FHOD3: variants seen among roughly 807,000 people sequenced by gnomAD.
FHOD3 encodes the protein formin homology 2 domain containing 3.
FHOD3 carries 90 observed loss-of-function variants against 173.0 expected under a neutral mutation model. That is an observed-to-expected ratio of 0.52 (90% confidence interval 0.44 to 0.62). The LOEUF (loss-of-function observed/expected upper bound fraction) is 0.62. Ranked by LOEUF, FHOD3 falls within the 20% of genes least tolerant of loss-of-function variation. The pLI, the probability that FHOD3 is intolerant of heterozygous loss-of-function variation, is 0.00. For synonymous variants in FHOD3, 828 were observed against 823.0 expected, an observed-to-expected ratio of 1.01 and a Z score of -0.10; for missense variants, 1,945 against 2,034.7, an observed-to-expected ratio of 0.96 and a Z score of 0.85.
intron 22 of FHOD3, among the ~76,000 whole-genome samples, chr18:36,743,197 T>A (rs991444374): frequency 3.3e-5 from 5 of 150,118 alleles, no homozygotes; most frequent in African/African-American, 1.2e-4. Flanking sequence ...TAGTTCCAGC[T>A]ACTCGGAATG....
intron 5 of FHOD3, among the ~76,000 whole-genome samples, chr18:36,548,095 G>T (rs1029482160): frequency 6.6e-6 from 1 of 152,152 alleles, no homozygotes; most frequent in African/African-American, 2.4e-5. Context: ...GGGAGGCTGA[G>T]GCAGGAGAAT....
At chr18:36,521,631 C>T (rs1257122903) in intron 5 of FHOD3, among the ~76,000 whole-genome samples, 1 of 152,184 alleles carries the variant, frequency 6.6e-6, no homozygotes, top group Non-Finnish European at 1.5e-5. Context: ...TCCTTCCTAA[C>T]CTGCTCTACC....
chr18:36,586,429 AAT>A (rs1482333047), intron 6 of FHOD3, among the ~76,000 whole-genome samples: 2 of 152,214 alleles, frequency 1.3e-5, no homozygotes, highest in Non-Finnish European at 2.9e-5. Context: ...TCCTTCGGGC[AAT>A]ATCTTAGTGC....
At chr18:36,494,998 A>G (rs1055896191) in intron 3 of FHOD3, among the ~76,000 whole-genome samples, 1 of 152,144 alleles carries the variant, frequency 6.6e-6, no homozygotes, top group Admixed American at 6.5e-5. Flanking sequence ...GCTGGAGTAC[A>G]GTGGCATGAT....
intron 10 of FHOD3, 143 bp downstream of exon 10, chr18:36,625,892 AC>A: frequency 1.6e-6 from 1 of 643,326 alleles, no homozygotes; most frequent in Non-Finnish European, 2.4e-6. Context: ...CCATTAAACC[AC>A]CAGCCAAACA....
At chr18:36,468,660 G>C (rs1395820680) in intron 3 of FHOD3, among the ~76,000 whole-genome samples, 1 of 152,160 alleles carries the variant, frequency 6.6e-6, no homozygotes, top group African/African-American at 2.4e-5. Flanking sequence ...TTTAGAGGGG[G>C]AGGAATTTGT....
chr18:36,334,933 G>C (rs1412762674), intron 1 of FHOD3, among the ~76,000 whole-genome samples: 1 of 152,186 alleles, frequency 6.6e-6, no homozygotes, highest in Non-Finnish European at 1.5e-5. Flanking sequence ...GTGTTCTGAA[G>C]TGCTCCAGGG....
At chr18:36,554,078 G>A (rs752515870) in intron 5 of FHOD3, among the ~76,000 whole-genome samples, 2 of 152,162 alleles carry the variant, frequency 1.3e-5, no homozygotes, top group Non-Finnish European at 1.5e-5. Context: ...AGTCAGTGTG[G>A]CAATTCCTCA....
intron 5 of FHOD3, among the ~76,000 whole-genome samples, chr18:36,513,654 C>G (rs1364624453): frequency 1.3e-5 from 2 of 152,038 alleles, no homozygotes; most frequent in African/African-American, 2.4e-5. Context: ...TGTTTTGCCC[C>G]GAGAATGCTT....
intron 5 of FHOD3, among the ~76,000 whole-genome samples, chr18:36,529,646 C>G (rs1599530696): frequency 6.6e-6 from 1 of 151,878 alleles, no homozygotes; most frequent in South Asian, 2.1e-4. Context: ...TGGTGAAACC[C>G]TGTCTCTACT....
rs560858766 is a variant in FHOD3, at chr18:36,620,199, C to G, written c.958-5312C>G. On this transcript the variant is annotated intron_variant, in intron 9 of 28. Transcript: ENST00000590592. ...CCTTCGTGCCTCTGTGGCCTCATCT[C>G]CACCATTCCCAAGATGTGTCTGAAG... Among the ~76,000 whole-genome samples the G allele has an allele frequency of 5.3e-5, 8 of 152,304 alleles. No homozygotes were observed. The South Asian group carries it at 1.2e-3, about 24-fold the overall frequency.
intron 2 of FHOD3, among the ~76,000 whole-genome samples, chr18:36,369,793 T>A (rs148666609): frequency 7.2e-5 from 11 of 152,252 alleles, no homozygotes; most frequent in African/African-American, 2.6e-4. Flanking sequence ...AGTACTGAGG[T>A]TACACCAGTT....
rs75077561 is a variant in FHOD3, at chr18:36,602,571, C to T, written c.719-103C>T. On this transcript the variant is annotated intron_variant, in intron 7 of 28. Coordinates refer to ENST00000590592, the MANE Select transcript of FHOD3 (RefSeq NM_001281740.3). ...ACTTTGAAATTTGGTGACTGAAAGA[C>T]GCTGCCATCACTGGATACGTCCTTG... 1.9e-3 allele frequency: 1,644 copies of T among 857,846 alleles called. 16 individuals are homozygous for T. The African/African-American group carries it at 0.024, about 13-fold the overall frequency. The allele number at this position is 857,846 out of a possible 1,614,324, so 53.1% of individuals were successfully genotyped here.
chr18:36,325,439 A>T (rs1051359146), intron 1 of FHOD3, among the ~76,000 whole-genome samples: 6 of 152,220 alleles, frequency 3.9e-5, no homozygotes, highest in Admixed American at 1.3e-4. Context: ...AGTTTTTCAG[A>T]TACTTTAACT....
At position 36,596,321 on chromosome 18, in the gene FHOD3, ATTTTTTTTTTTTT is replaced by A. The variant is rs539907617; in HGVS notation, c.718+1445_718+1457del. 5.6e-3 allele frequency among the ~76,000 whole-genome samples: 323 copies of A among 57,512 alleles called. 1 individual carries two copies. The highest frequency in any genetic ancestry group is 0.023 in the African/African-American group (300 of 12,958). The allele number at this position is 57,512 out of a possible 152,430, so 37.7% of individuals were successfully genotyped here. A position where few individuals can be genotyped will look rare whatever the true frequency, so the allele number is the denominator to read the frequency against. On this transcript the variant is annotated intron_variant, in intron 7 of 28. Transcript: ENST00000590592. The stretch of plus-strand genomic sequence containing the variant: ...AGGTGCCCACCACCATGCCCAGCTA[ATTTTTTTTTTTTT>A]TTTTTTTTTTTTTTTTTTTTTAGTA...
At chr18:36,725,164 C>G (rs939303149) in intron 19 of FHOD3, among the ~76,000 whole-genome samples, 6 of 152,238 alleles carry the variant, frequency 3.9e-5, no homozygotes, top group African/African-American at 1.4e-4. Context: ...CTTCCATCAT[C>G]ACTTCCTCCC....
At chr18:36,547,689 A>G (rs2057468185) in intron 5 of FHOD3, among the ~76,000 whole-genome samples, 1 of 152,222 alleles carries the variant, frequency 6.6e-6, no homozygotes, top group African/African-American at 2.4e-5. Flanking sequence ...AAATTCGGGA[A>G]GGAACGTCGC....
At chr18:36,614,299 C>G (rs2032985031) in intron 9 of FHOD3, among the ~76,000 whole-genome samples, 1 of 152,206 alleles carries the variant, frequency 6.6e-6, no homozygotes, top group South Asian at 2.1e-4. Context: ...AGCGTGTTTT[C>G]AAGGTTCACC....
intron 3 of FHOD3, among the ~76,000 whole-genome samples, chr18:36,466,293 A>C (rs76514491): frequency 9.1e-4 from 139 of 152,264 alleles, no homozygotes; most frequent in Middle Eastern, 3.4e-3. Flanking sequence ...GATTCCACTC[A>C]TCTGGCTCAA....
Sources: allele counts gnomAD v4.1 joint callset (sites outside exome capture counted in the v4.1 genomes callset), GRCh38; gene constraint gnomAD v4.1.1; transcripts MANE v1.5; gene names NCBI Gene and HGNC (gene_info 2026-07-23, HGNC 2026-07-21).